Variants in ZNF787 observed in about 807,000 individuals in gnomAD.
ZNF787 encodes the protein TTF-I-interacting peptide 20.
A neutral mutation model predicts 16.9 loss-of-function variants in ZNF787; 7 were observed. That is an observed-to-expected ratio of 0.42 (90% CI 0.24 to 0.78). ZNF787 has a LOEUF of 0.78. ZNF787 is among the 30% of genes least tolerant of loss of function. The pLI, the probability that ZNF787 is intolerant of heterozygous loss-of-function variation, is 0.30. For missense variants in ZNF787, 551 were observed against 589.3 expected (o/e 0.94, Z 0.67); for synonymous variants, 345 against 270.9 (o/e 1.27, Z -2.69).
At chr19:56,113,738 G>A (rs2030050407) in intron 1 of ZNF787, among the ~76,000 whole-genome samples, 1 of 151,340 alleles carries the variant, frequency 6.6e-6, no homozygotes, top group Non-Finnish European at 1.5e-5. Context: ...GATGCACGGC[G>A]TTTCTTTTGG....
At chr19:56,115,526 C>T (rs548323624) in intron 1 of ZNF787, among the ~76,000 whole-genome samples, 80 of 151,886 alleles carry the variant, frequency 5.3e-4, no homozygotes, top group South Asian at 2.9e-3. Flanking sequence ...GCCCGGCTAA[C>T]TTTTTGTATT....
intron 2 of ZNF787, among the ~76,000 whole-genome samples, chr19:56,098,428 G>A (rs28686834): frequency 0.065 from 9,844 of 152,202 alleles, 980 homozygotes; most frequent in African/African-American, 0.21. Context: ...ATGCCACCCA[G>A]GTAATACGGC....
intron 2 of ZNF787, among the ~76,000 whole-genome samples, chr19:56,097,460 C>A (rs1044066642): frequency 6.6e-6 from 1 of 152,258 alleles, no homozygotes; most frequent in Admixed American, 6.5e-5. Context: ...GTGAACTTCA[C>A]GCCCACCACA....
intron 1 of ZNF787, among the ~76,000 whole-genome samples, chr19:56,120,034 T>C (rs2030243117): frequency 2.6e-5 from 4 of 152,218 alleles, no homozygotes; most frequent in Admixed American, 2.0e-4. Context: ...CGGACTGGGC[T>C]GGGTCAAAAT....
chr19:56,088,112 A>G lies in ZNF787; in HGVS notation c.1060T>C (p.Tyr354His). The G allele has an allele frequency of 6.5e-7, 1 of 1,530,138 alleles. No homozygotes were observed. Among genetic ancestry groups the G allele is most frequent in the Non-Finnish European group, 8.7e-7 (1 of 1,144,434 alleles). 94.8% of individuals were successfully genotyped at this position (1,530,138 alleles called of 1,614,324 possible). ...PSVCSSCGQS[Y>H]YRAGGEEEDD... ...TCCTCCTCCCCGCCCGCGCGGTAGT[A>G]GCTCTGTCCGCAGCTGCTGCAGACC... The change falls in exon 3 of 3, where the codon TAC becomes CAC. Residue 354 changes from tyrosine to histidine, a missense_variant. Transcript: ENST00000610935. This position sits in a 1 kb window ranked among gnomAD's most constrained non-coding sequence, Gnocchi z 8.6.
At chr19:56,107,266 A>G (rs1285822566) in intron 1 of ZNF787, among the ~76,000 whole-genome samples, 1 of 152,154 alleles carries the variant, frequency 6.6e-6, no homozygotes, top group Non-Finnish European at 1.5e-5. Flanking sequence ...GGAGTACAGA[A>G]ACAGTTCACA....
chr19:56,102,774 T>A, intron 2 of ZNF787: 1 of 616,112 alleles, frequency 1.6e-6, no homozygotes, highest in Non-Finnish European at 2.9e-6. Context: ...CAGGCCCGCC[T>A]GGAATCATAG....
intron 2 of ZNF787, among the ~76,000 whole-genome samples, chr19:56,094,240 C>T (rs1048074705): frequency 6.9e-6 from 1 of 144,532 alleles, no homozygotes; most frequent in Admixed American, 7.0e-5. Context: ...TCATGTTGGC[C>T]AGGCTGGTCT....
chr19:56,090,609 G>A (rs981575992), intron 2 of ZNF787, among the ~76,000 whole-genome samples: 12 of 152,100 alleles, frequency 7.9e-5, no homozygotes, highest in Non-Finnish European at 1.5e-4. Flanking sequence ...ATCACTTGAG[G>A]TCAGGAGTTC....
chr19:56,108,063 G>A (rs2123419791), intron 1 of ZNF787, among the ~76,000 whole-genome samples: 1 of 152,202 alleles, frequency 6.6e-6, no homozygotes, highest in South Asian at 2.1e-4. Flanking sequence ...CGGGTCCCCT[G>A]CAACACGTGA....
At position 56,088,101 on chromosome 19, in the gene ZNF787, C is replaced by T. The variant is rs775082880; in HGVS notation, c.1071G>A (p.Ala357=). The change falls in exon 3 of 3, where the codon GCG becomes GCA. Residue 357 remains alanine (A), a synonymous_variant. Coordinates refer to ENST00000610935, the MANE Select transcript of ZNF787 (RefSeq NM_001002836.4). The surrounding 1 kb of genome is among the most constrained non-coding windows in gnomAD (Gnocchi z 8.6). ...CGTCGTCGTCCTCCTCCTCCCCGCC[C>T]GCGCGGTAGTAGCTCTGTCCGCAGC... ...CSSCGQSYYR[A]GGEEEDDDDE... 3 of 1,524,610 alleles carry T rather than the reference C, an allele frequency of 2.0e-6. No individual in the cohort carries two copies. The highest frequency in any genetic ancestry group is 5.6e-5 in the East Asian group (2 of 35,860). The allele number at this position is 1,524,610 out of a possible 1,614,324, so 94.4% of individuals were successfully genotyped here. A position where few individuals can be genotyped will look rare whatever the true frequency, so the allele number is the denominator to read the frequency against.
chr19:56,098,699 CGGCCACCAGGTGATT>C (rs1985970830), intron 2 of ZNF787, among the ~76,000 whole-genome samples: 1 of 3,888 alleles, frequency 2.6e-4, no homozygotes, highest in South Asian at 0.031. Flanking sequence ...CTAGGTGATA[CGGCCACCAGGTGATT>C]ACGGCCGCAG....
At chr19:56,089,286 G>C (rs1214515359) in intron 2 of ZNF787, among the ~76,000 whole-genome samples, 194 bp from the exon 3 acceptor site, 1 of 152,068 alleles carries the variant, frequency 6.6e-6, no homozygotes, top group East Asian at 1.9e-4. Flanking sequence ...CCTCAGCTCT[G>C]TGTGAGTTAA....
At chr19:56,103,101 G>A in intron 2 of ZNF787, 38 bp downstream of exon 2, 11 of 1,606,586 alleles carry the variant, frequency 6.8e-6, no homozygotes, top group Non-Finnish European at 9.4e-6. Context: ...TCAGGTGGGA[G>A]GCAGCGGGGT....
intron 1 of ZNF787, among the ~76,000 whole-genome samples, chr19:56,118,304 G>A (rs2030195174): frequency 6.6e-6 from 1 of 152,146 alleles, no homozygotes; most frequent in Admixed American, 6.5e-5. Context: ...GGGTTCCCCT[G>A]AACCAGCCAG....
intron 1 of ZNF787, among the ~76,000 whole-genome samples, chr19:56,115,025 A>G (rs2030090244): frequency 6.6e-6 from 1 of 152,054 alleles, no homozygotes; most frequent in Non-Finnish European, 1.5e-5. Context: ...CTGGATCTGC[A>G]GGCTAGGTGG....
intron 2 of ZNF787, among the ~76,000 whole-genome samples, chr19:56,090,365 G>A (rs1985526392): frequency 1.3e-5 from 2 of 152,160 alleles, no homozygotes; most frequent in African/African-American, 4.8e-5. Flanking sequence ...GCCCAGAAGC[G>A]CATTAGTAGA....
intron 2 of ZNF787, among the ~76,000 whole-genome samples, chr19:56,099,191 C>T (rs1267724929): frequency 6.6e-6 from 1 of 152,206 alleles, no homozygotes; most frequent in African/African-American, 2.4e-5. Flanking sequence ...TCGAGCCACA[C>T]TGCCACATCC....
intron 2 of ZNF787, among the ~76,000 whole-genome samples, chr19:56,096,254 A>AAACAAAT (rs1985868192): frequency 8.7e-6 from 1 of 114,444 alleles, no homozygotes; most frequent in African/African-American, 3.3e-5. Context: ...ATAAAAAAAT[A>AAACAAAT]AAAAAAATAA....
Sources: gnomAD v4.1 joint callset for allele counts (sites outside exome capture counted in the v4.1 genomes callset) on GRCh38, gnomAD v4.1.1 for gene constraint, Gnocchi (gnomAD v3.1) non-coding constraint, MANE v1.5 for transcripts, NCBI Gene and HGNC (gene_info 2026-07-23, HGNC 2026-07-21) for gene names.